The following PPAT variants were observed in gnomAD, a reference collection of about 807,000 sequenced individuals.
PPAT encodes the protein amidophosphoribosyltransferase.
A neutral mutation model predicts 60.2 loss-of-function variants in PPAT; 20 were observed. That is an observed-to-expected ratio of 0.33 (90% CI 0.23 to 0.48). The LOEUF (loss-of-function observed/expected upper bound fraction) is 0.48, where lower values mean the gene tolerates loss of function less well. Among genes scored for constraint, PPAT ranks in the 20% least tolerant of loss-of-function variants. The pLI, the probability that PPAT is intolerant of heterozygous loss-of-function variation, is 0.99. For synonymous variants in PPAT, 194 were observed against 215.1 expected (o/e 0.90, Z 0.86); for missense variants, 349 against 629.6 (o/e 0.55, Z 4.77).
chr4:56,399,198 T>C lies in PPAT; in HGVS notation c.1217A>G (p.Lys406Arg). Residue 406 changes from lysine (K) to arginine (R), a missense_variant, in exon 9 of 11, where the codon AAA (lysine) becomes AGA (arginine). Transcript: ENST00000264220. ...NTISPIIKLL[K>R]ESGAKEVHIR... ...ACTTACCTCTTTTGCACCAGATTCT[T>C]TGAGCAGTTTTATTATAGGTGAGAT... 2 of 1,611,192 alleles carry C rather than the reference T, an allele frequency of 1.2e-6. No homozygotes were observed. Among genetic ancestry groups the C allele is most frequent in the Non-Finnish European group, 1.7e-6 (2 of 1,177,368 alleles).
chr4:56,406,460 A>T, intron 3 of PPAT, 35 bp downstream of exon 3: 1 of 1,577,730 alleles, frequency 6.3e-7, no homozygotes, highest in Non-Finnish European at 8.7e-7. Flanking sequence ...CTAATCATTT[A>T]AAAAGGCCTA....
At chr4:56,398,827 T>C (rs1276624340) in intron 9 of PPAT, among the ~76,000 whole-genome samples, 1 of 152,102 alleles carries the variant, frequency 6.6e-6, no homozygotes, top group Non-Finnish European at 1.5e-5. Flanking sequence ...TATTATCTTT[T>C]ATTTTTGTAG....
chr4:56,415,806 G>A (rs1716699134), intron 1 of PPAT, among the ~76,000 whole-genome samples: 1 of 152,180 alleles, frequency 6.6e-6, no homozygotes, highest in African/African-American at 2.4e-5. Context: ...GCTGGGCACA[G>A]TGGCTCACAC....
intron 1 of PPAT, among the ~76,000 whole-genome samples, chr4:56,413,444 C>G (rs1169654576): frequency 2.7e-4 from 41 of 152,282 alleles, no homozygotes; most frequent in Non-Finnish European, 1.5e-5. Flanking sequence ...CCTGAGGCAC[C>G]ATGTCTGGCC....
chr4:56,432,009 G>A lies in PPAT; in HGVS notation c.128+3341C>T, dbSNP rs531834668. ...GAAGACAGCCAGAACTACTAAAAACGGGGAGTACATCTGGATGAACCCATC... is the reference window on the plus strand; with the variant it reads ...GAAGACAGCCAGAACTACTAAAAACAGGGAGTACATCTGGATGAACCCATC... On this transcript the variant is annotated intron_variant, in intron 1 of 10. Coordinates refer to ENST00000264220, the MANE Select transcript of PPAT (RefSeq NM_002703.5). Among the ~76,000 whole-genome samples the A allele has an allele frequency of 1.6e-4, 24 of 152,296 alleles. No homozygotes were observed. The South Asian group carries it at 5.0e-3, about 32-fold the overall frequency.
At position 56,395,456 on chromosome 4, in the gene PPAT, C is replaced by T. The variant is rs779926163; in HGVS notation, c.1450G>A (p.Asp484Asn). Reference sequence around the variant, plus strand: ...TTTCCATTTTCTTGGATCATAATATCGTGCTTTTTCTCTTTCTGTTTTTTA... The same window carrying T: ...TTTCCATTTTCTTGGATCATAATATTGTGCTTTTTCTCTTTCTGTTTTTTA... ...KFKKQKEKKH[D>N]IMIQENGNGL... Residue 484 changes from aspartate to asparagine, a missense_variant, in exon 11 of 11, where the codon GAT becomes AAT. Coordinates refer to ENST00000264220, the MANE Select transcript of PPAT (RefSeq NM_002703.5). 20 of 1,611,928 alleles carry T rather than the reference C, an allele frequency of 1.2e-5. No homozygotes were observed. The South Asian group carries it at 1.3e-4, about 11-fold the overall frequency.
chr4:56,429,668 TG>T (rs1314544648), intron 1 of PPAT, among the ~76,000 whole-genome samples: 3 of 152,192 alleles, frequency 2.0e-5, no homozygotes, highest in African/African-American at 7.2e-5. Flanking sequence ...TTTATGAGAT[TG>T]TTTTTTAGTT....
intron 1 of PPAT, among the ~76,000 whole-genome samples, chr4:56,434,891 T>C (rs1431763198): frequency 6.6e-6 from 1 of 152,230 alleles, no homozygotes; most frequent in Admixed American, 6.5e-5. Context: ...AAACAAAAGC[T>C]TGTGGTGGTT....
intron 9 of PPAT, among the ~76,000 whole-genome samples, chr4:56,398,607 G>A (rs972917146): frequency 4.0e-5 from 6 of 149,624 alleles, no homozygotes; most frequent in Non-Finnish European, 7.4e-5. Flanking sequence ...GTGCCACCAC[G>A]CCCCACCCAT....
intron 4 of PPAT, 29 bp from the exon 5 acceptor site, chr4:56,403,214 A>C (rs751337034): frequency 6.3e-7 from 1 of 1,598,402 alleles, no homozygotes; most frequent in Admixed American, 1.7e-5. Context: ...TTGAATGAAT[A>C]ACTTCAGTTA....
intron 1 of PPAT, chr4:56,410,773 G>C (rs1311659552): frequency 1.0e-6 from 1 of 987,258 alleles, no homozygotes. Context: ...CTAAAACTAT[G>C]AAGTTCTTCC....
intron 7 of PPAT, 138 bp downstream of exon 7, chr4:56,401,192 T>C: frequency 1.1e-6 from 1 of 878,302 alleles, no homozygotes; most frequent in Non-Finnish European, 1.7e-6. Context: ...TTATGACTTG[T>C]GGGCTCAGTC....
rs546553858 is a variant in PPAT at position 56,410,582 on chromosome 4, GA to G, written c.129-2867del. On this transcript the variant is annotated intron_variant, in intron 1 of 10. Transcript: ENST00000264220. ...TAAAGCTTTGCTAAGTGTCTGGGCA[GA>G]AAAAAATATACGAAAACAACTTTAT... is the stretch of plus-strand genomic sequence containing the variant. 4.1e-6 allele frequency: 4 copies of G among 985,874 alleles called. No individual in the cohort carries two copies. In the East Asian group the frequency reaches 3.4e-4, roughly 84 times the overall value. The allele number at this position is 985,874 out of a possible 1,614,324, so 61.1% of individuals were successfully genotyped here.
In PPAT at chr4:56,395,257, G is replaced by A; in HGVS notation, c.*95C>T. The A allele has an allele frequency of 4.5e-6, 5 of 1,105,314 alleles. No homozygotes were observed. The highest frequency in any genetic ancestry group is 6.5e-6 in the Non-Finnish European group (5 of 775,182). The allele number at this position is 1,105,314 out of a possible 1,614,324, so 68.5% of individuals were successfully genotyped here. On this transcript the variant is annotated 3_prime_UTR_variant, in exon 11 of 11. Transcript: ENST00000264220. The stretch of plus-strand genomic sequence containing the variant: ...AAACATAAGCATGGCATTTTACATT[G>A]TACCAACTGAGTAACAGTAAATAGA...
At chr4:56,395,674 TAA>T (rs3036882) in intron 10 of PPAT, 126 bp from the exon 11 acceptor site, 49,801 of 460,408 alleles carry the variant, frequency 0.11, 1,252 homozygotes, top group East Asian at 0.25. Flanking sequence ...AGCCTTTCTT[TAA>T]AAAAAAAAAA....
At chr4:56,415,289 T>C (rs1402593321) in intron 1 of PPAT, among the ~76,000 whole-genome samples, 1 of 152,188 alleles carries the variant, frequency 6.6e-6, no homozygotes, top group Non-Finnish European at 1.5e-5. Context: ...CAAAGAGCAA[T>C]CAAAAGATAC....
In PPAT at chr4:56,399,372, C is replaced by T; in HGVS notation, c.1043G>A (p.Cys348Tyr). Residue 348 changes from cysteine (C) to tyrosine (Y), a missense_variant, in exon 9 of 11, where the codon TGT becomes TAT. This residue lies in a region of PPAT where 167 missense variants were observed against 328.6 expected (regional missense o/e 0.51). Coordinates refer to ENST00000264220, the MANE Select transcript of PPAT (RefSeq NM_002703.5). Reference sequence around the variant, plus strand: ...GGTTCTCCCTACATACCGGTTTTTACACAGCACCTCCACATATGGAAGTCC... The same window carrying T: ...GGTTCTCCCTACATACCGGTTTTTATACAGCACCTCCACATATGGAAGTCC... ...KCGLPYVEVL[C>Y]KNRYVGRTFI... The T allele has an allele frequency of 6.2e-7, 1 of 1,613,778 alleles. No homozygotes were observed. Among genetic ancestry groups the T allele is most frequent in the Non-Finnish European group, 8.5e-7 (1 of 1,179,764 alleles).
intron 1 of PPAT, among the ~76,000 whole-genome samples, chr4:56,433,207 G>GCC (rs1179316388): frequency 6.6e-6 from 1 of 151,606 alleles, no homozygotes; most frequent in Non-Finnish European, 1.5e-5. Context: ...AGCCCTCTTT[G>GCC]TGCACCTTAA....
In PPAT at chr4:56,406,500, T is replaced by C; in HGVS notation, c.397A>G (p.Lys133Glu). 1 of 1,610,892 alleles carries C rather than the reference T, an allele frequency of 6.2e-7. No homozygotes were observed. The highest frequency in any genetic ancestry group is 2.2e-5 in the East Asian group (1 of 44,858). ...AAACAAACAAACAAACGTACCTTTT[T>C]CCTTAATCGAGCAGCATTTACCAAT... ...GELVNAARLR[K>E]KLLRHGIGLS... The change falls in exon 3 of 11, where the codon AAA (lysine) becomes GAA (glutamate). Residue 133 changes from lysine (K) to glutamate (E), a missense_variant. Coordinates refer to ENST00000264220, the MANE Select transcript of PPAT (RefSeq NM_002703.5).
Sources: gnomAD v4.1 joint callset for allele counts (sites outside exome capture counted in the v4.1 genomes callset) on GRCh38, gnomAD v4.1.1 for gene constraint, gnomAD v4.1.1 regional missense constraint, MANE v1.5 for transcripts, NCBI Gene and HGNC (gene_info 2026-07-23, HGNC 2026-07-21) for gene names.